TACC3: variants seen among roughly 807,000 people sequenced by gnomAD.
TACC3 encodes transforming acidic coiled-coil-containing protein 3.
In TACC3, 52 loss-of-function variants were observed where a neutral mutation model predicts 86.0. The ratio of observed to expected loss-of-function variants is 0.60; its 90% CI spans 0.48 to 0.76. The LOEUF is 0.76. Ranked by LOEUF, TACC3 falls within the 30% of genes least tolerant of loss-of-function variation. TACC3 has a pLI of 0.00. For missense variants in TACC3, 1,120 were observed against 1,070.4 expected, an observed-to-expected ratio of 1.05 and a Z score of -0.65; for synonymous variants, 512 against 430.0, an observed-to-expected ratio of 1.19 and a Z score of -2.36.
chr4:1,724,268 G>A (rs915235941), intron 3 of TACC3, among the ~76,000 whole-genome samples: 3 of 151,252 alleles, frequency 2.0e-5, no homozygotes, highest in Non-Finnish European at 2.9e-5. Flanking sequence ...CACCACGCCC[G>A]GCCGGCCTTG....
At chr4:1,734,432 C>T (rs374820853) in intron 6 of TACC3, among the ~76,000 whole-genome samples, 2 of 152,220 alleles carry the variant, frequency 1.3e-5, no homozygotes, top group African/African-American at 4.8e-5. Flanking sequence ...AGGTGATCCA[C>T]CTGCCTTGGC....
Position 1,727,807 on chromosome 4 carries a change from C to G in TACC3, c.405C>G (p.Ala135=), listed in dbSNP as rs1360846622. The part of the protein sequence containing the change: ...DTDLLGDASP[A]FGSGSSSESG... ...ACCTCCTGGGGGATGCAAGCCCAGC[C>G]TTTGGGAGTGGCAGCTCCAGCGAGT... Residue 135 remains alanine, a synonymous_variant, in exon 4 of 16, where the codon GCC becomes GCG. Transcript: ENST00000313288. The G allele has an allele frequency of 1.2e-6, 2 of 1,613,412 alleles. No homozygotes were observed. The highest frequency in any genetic ancestry group is 1.1e-5 in the South Asian group (1 of 91,088).
chr4:1,737,358 T>C, intron 9 of TACC3, 30 bp downstream of exon 9: 2 of 1,591,894 alleles, frequency 1.3e-6, no homozygotes, highest in South Asian at 1.1e-5. Context: ...TTGAACTGTC[T>C]TGTGTGTGGT....
intron 3 of TACC3, among the ~76,000 whole-genome samples, chr4:1,726,220 C>T (rs1366061913): frequency 6.6e-6 from 1 of 152,202 alleles, no homozygotes; most frequent in Non-Finnish European, 1.5e-5. Context: ...AAGGTGTTCT[C>T]TGCACCTGTG....
intron 9 of TACC3, 50 bp downstream of exon 9, chr4:1,737,378 C>T (rs1560316290): frequency 3.8e-6 from 6 of 1,562,540 alleles, no homozygotes; most frequent in East Asian, 2.2e-5. Context: ...TCTGAGGGAA[C>T]GAGTTGTTTT....
chr4:1,724,960 T>C (rs921591135), intron 3 of TACC3, among the ~76,000 whole-genome samples: 1 of 141,188 alleles, frequency 7.1e-6, no homozygotes, highest in Non-Finnish European at 1.5e-5. Context: ...ACACGGAGTT[T>C]CATTCTTGTT....
Position 1,737,690 on chromosome 4 carries a change from C to T in TACC3, c.1929C>T (p.Asp643=), listed in dbSNP as rs781401879. The T allele has an allele frequency of 5.2e-6, 8 of 1,551,096 alleles. No homozygotes were observed. In the Middle Eastern group the frequency reaches 1.2e-3, roughly 227 times the overall value. ...IVDLLQYSQK[D]LDAVVKATQE... ...ACCTGCTCCAGTACAGCCAGAAGGA[C>T]CTGGATGCAGTGGTAAGGACGCAGG... The change falls in exon 10 of 16, where the codon GAC becomes GAT. Residue 643 remains aspartate, a synonymous_variant. Transcript: ENST00000313288.
At chr4:1,740,033 C>T (rs1318215707) in intron 12 of TACC3, 31 bp downstream of exon 12, 1 of 1,611,710 alleles carries the variant, frequency 6.2e-7, no homozygotes, top group Non-Finnish European at 8.5e-7. Context: ...GGCCACGTGC[C>T]TCCACGAGGG....
At position 1,737,294 on chromosome 4, in the gene TACC3, T is replaced by G; in HGVS notation, c.1802T>G (p.Val601Gly). 1 of 1,614,126 alleles carries G rather than the reference T, an allele frequency of 6.2e-7. No homozygotes were observed. The change falls in exon 9 of 16, where the codon GTG (valine) becomes GGG (glycine). Residue 601 changes from valine (V) to glycine (G), a missense_variant. Val to Gly is a moderately radical substitution (Grantham distance 109). Coordinates refer to ENST00000313288, the MANE Select transcript of TACC3 (RefSeq NM_006342.3). Reference sequence around the variant, plus strand: ...GGACGTCCGCGGGAAGCCAAGCTTGTGGAGTTCGATTTCTTGGGAGCACTG... The same window carrying G: ...GGACGTCCGCGGGAAGCCAAGCTTGGGGAGTTCGATTTCTTGGGAGCACTG... ...PSGRPREAKL[V>G]EFDFLGALDI...
chr4:1,730,555 T>G, intron 4 of TACC3: 2 of 465,620 alleles, frequency 4.3e-6, no homozygotes, highest in Non-Finnish European at 8.5e-6. Context: ...TGCCCCAGCC[T>G]CCACATTTGA....
At chr4:1,734,231 A>G (rs539102545) in intron 6 of TACC3, among the ~76,000 whole-genome samples, 3 of 152,186 alleles carry the variant, frequency 2.0e-5, no homozygotes, top group South Asian at 4.2e-4. Context: ...TCTGTCGCCC[A>G]GGCTGGAGTG....
chr4:1,740,132 C>T, intron 12 of TACC3, 130 bp downstream of exon 12: 1 of 872,070 alleles, frequency 1.1e-6, no homozygotes, highest in Non-Finnish European at 1.8e-6. Flanking sequence ...CGAGTCCCTT[C>T]AACATGGGCC....
At position 1,731,235 on chromosome 4, in the gene TACC3, C is replaced by T. The variant is rs750826242; in HGVS notation, c.1525C>T (p.Pro509Ser). 2.5e-6 allele frequency: 4 copies of T among 1,613,368 alleles called. No individual in the cohort carries two copies. Among genetic ancestry groups the T allele is most frequent in the African/African-American group, 1.3e-5 (1 of 75,046 alleles). The change falls in exon 6 of 16, where the codon CCC becomes TCC. Residue 509 changes from proline (P) to serine (S), a missense_variant. Coordinates refer to ENST00000313288, the MANE Select transcript of TACC3 (RefSeq NM_006342.3). ...PTSCPGSEPV[P>S]THQQGQPALE... ...AAGCTGTCCAGGCAGTGAGCCAGTG[C>T]CCACCCATCAGCAGGGGCAGCCTGC...
chr4:1,743,446 G>T (rs1718689911), intron 13 of TACC3, among the ~76,000 whole-genome samples: 1 of 152,090 alleles, frequency 6.6e-6, no homozygotes, highest in South Asian at 2.1e-4. Flanking sequence ...CCAGCTACTT[G>T]TGAGGCTGAG....
intron 13 of TACC3, among the ~76,000 whole-genome samples, chr4:1,743,946 C>T (rs1049212837): frequency 6.6e-6 from 1 of 152,136 alleles, no homozygotes; most frequent in African/African-American, 2.4e-5. Context: ...GTGAGGATGG[C>T]TGGGCTGTGA....
At chr4:1,744,674 G>GC in intron 14 of TACC3, 38 bp from the exon 15 acceptor site, 1 of 1,612,086 alleles carries the variant, frequency 6.2e-7, no homozygotes, top group Non-Finnish European at 8.5e-7. Flanking sequence ...GAGCACCTGG[G>GC]CCCCAGCTCA....
At position 1,734,432 on chromosome 4, in the gene TACC3, C is replaced by A. The variant is rs374820853; in HGVS notation, c.1592-841C>A. ...CAAACTCCTGACCTCAGGTGATCCA[C>A]CTGCCTTGGCCTCCCAAAGTGCTGG... On this transcript the variant is annotated intron_variant, in intron 6 of 15. Coordinates refer to ENST00000313288, the MANE Select transcript of TACC3 (RefSeq NM_006342.3). 2.6e-5 allele frequency among the ~76,000 whole-genome samples: 4 copies of A among 152,338 alleles called. No homozygotes were observed. In the South Asian group the frequency reaches 8.3e-4, roughly 32 times the overall value.
rs1215697532 is a variant in TACC3 at position 1,735,263 on chromosome 4, CT to C, written c.1592-9del. Reference sequence around the variant, plus strand: ...GGGGCGATGGCGGCGGCATGATTCACTCCTCTCAGTTCTAGGCACGGGCGCG... The same window carrying C: ...GGGGCGATGGCGGCGGCATGATTCACCCTCTCAGTTCTAGGCACGGGCGCG... On this transcript the variant is annotated splice_polypyrimidine_tract_variant and intron_variant, in intron 6 of 15. Transcript: ENST00000313288. The surrounding 1 kb of genome is among the most constrained non-coding windows in gnomAD (Gnocchi z 4.2). 2.5e-6 allele frequency: 4 copies of C among 1,613,834 alleles called. No individual in the cohort carries two copies. Among genetic ancestry groups the C allele is most frequent in the Non-Finnish European group, 3.4e-6 (4 of 1,180,040 alleles).
intron 11 of TACC3, 83 bp from the exon 12 acceptor site, chr4:1,739,876 C>T (rs1577223848): frequency 3.2e-6 from 5 of 1,580,416 alleles, no homozygotes; most frequent in Admixed American, 1.7e-5. Context: ...CCCTCGCCAT[C>T]CCTGTCCCCG....
Sources: gnomAD v4.1 joint callset for allele counts (sites outside exome capture counted in the v4.1 genomes callset) on GRCh38, gnomAD v4.1.1 for gene constraint, Gnocchi (gnomAD v3.1) non-coding constraint, MANE v1.5 for transcripts, NCBI Gene and HGNC (gene_info 2026-07-23, HGNC 2026-07-21) for gene names.